TRMT9B: variants seen among roughly 807,000 people sequenced by gnomAD.
The protein encoded by TRMT9B is probable tRNA methyltransferase 9B.
In TRMT9B, 16 loss-of-function variants were observed where a neutral mutation model predicts 11.5. That is an observed-to-expected ratio of 1.39 (90% CI 0.94 to 2.11). TRMT9B has a LOEUF of 2.11. Ranked by LOEUF, TRMT9B falls within the 30% of genes most tolerant of loss-of-function variation. The pLI, the probability that TRMT9B is intolerant of heterozygous loss-of-function variation, is 0.00. For synonymous variants in TRMT9B, 274 were observed against 192.4 expected, an observed-to-expected ratio of 1.42 and a Z score of -3.51; for missense variants, 941 against 553.8, an observed-to-expected ratio of 1.70 and a Z score of -7.02.
Position 13,027,595 on chromosome 8 carries a change from G to A in TRMT9B, c.*5551G>A, listed in dbSNP as rs559697442. 41 of 167,084 alleles carry A rather than the reference G, an allele frequency of 2.5e-4. 1 individual carries two copies. The highest frequency in any genetic ancestry group is 9.9e-4 in the African/African-American group (41 of 41,532). The allele number at this position is 167,084 out of a possible 1,614,324, so 10.4% of individuals were successfully genotyped here. A position where few individuals can be genotyped will look rare whatever the true frequency, so the allele number is the denominator to read the frequency against. ...CCCGATTTTTTCTGTTCTGCAATCT[G>A]CTATTTTAGACAAAGCTTTCATAAG... is the stretch of plus-strand genomic sequence containing the variant. On this transcript the variant is annotated 3_prime_UTR_variant, in exon 5 of 5. Coordinates refer to ENST00000524591, the MANE Select transcript of TRMT9B (RefSeq NM_020844.3).
intron 2 of TRMT9B, 52 bp downstream of exon 2, chr8:12,991,083 C>G (rs1021919992): frequency 1.1e-6 from 1 of 923,994 alleles, no homozygotes; most frequent in African/African-American, 1.7e-5. Flanking sequence ...GTGTTTTTAG[C>G]AATGTGCATA....
chr8:12,992,034 C>T (rs903788254), intron 2 of TRMT9B, among the ~76,000 whole-genome samples: 1 of 152,192 alleles, frequency 6.6e-6, no homozygotes, highest in African/African-American at 2.4e-5. Flanking sequence ...CATTGACTCA[C>T]AGCTGGCTCT....
intron 2 of TRMT9B, among the ~76,000 whole-genome samples, chr8:12,999,227 A>T (rs1172969263): frequency 2.1e-5 from 3 of 144,938 alleles, no homozygotes; most frequent in African/African-American, 5.1e-5. Flanking sequence ...TGAACCTGGG[A>T]GGCGGAGGTT....
intron 1 of TRMT9B, among the ~76,000 whole-genome samples, chr8:12,978,358 A>T (rs1804779811): frequency 6.6e-6 from 1 of 152,266 alleles, no homozygotes. Context: ...TCTTCTGCTG[A>T]TTGTGCCCAT....
intron 1 of TRMT9B, 135 bp downstream of exon 1, chr8:12,946,101 C>T (rs1419625768): frequency 6.6e-6 from 1 of 152,190 alleles, no homozygotes; most frequent in African/African-American, 2.4e-5. Flanking sequence ...TTGCTTTTCT[C>T]ACAGACTGCT....
chr8:12,969,185 C>T (rs1803239761), intron 1 of TRMT9B, among the ~76,000 whole-genome samples: 1 of 152,084 alleles, frequency 6.6e-6, no homozygotes, highest in African/African-American at 2.4e-5. Flanking sequence ...CCAGCCTAGG[C>T]AAGAGAGTGA....
At chr8:13,012,493 T>C (rs1352255390) in intron 3 of TRMT9B, 191 bp from the exon 4 acceptor site, 2 of 687,832 alleles carry the variant, frequency 2.9e-6, no homozygotes, top group Admixed American at 3.7e-5. Flanking sequence ...GAGAATTGCT[T>C]GAACCCGTGA....
intron 1 of TRMT9B, among the ~76,000 whole-genome samples, chr8:12,965,643 C>A (rs1362671190): frequency 6.6e-6 from 1 of 151,300 alleles, no homozygotes; most frequent in Non-Finnish European, 1.5e-5. Flanking sequence ...CCAAGGTAGA[C>A]TACAAGCAGG....
chr8:13,014,140 C>T (rs1201427808), intron 4 of TRMT9B, among the ~76,000 whole-genome samples: 1 of 152,060 alleles, frequency 6.6e-6, no homozygotes, highest in African/African-American at 2.4e-5. Flanking sequence ...GGAGGCAGAC[C>T]TGGAAGCCAT....
intron 1 of TRMT9B, among the ~76,000 whole-genome samples, chr8:12,964,497 T>C (rs1802557942): frequency 6.6e-6 from 1 of 152,230 alleles, no homozygotes; most frequent in South Asian, 2.1e-4. Context: ...TTTAAAGCAG[T>C]TTATGATAGA....
chr8:13,017,303 A>G (rs1376999554), intron 4 of TRMT9B, among the ~76,000 whole-genome samples: 1 of 152,186 alleles, frequency 6.6e-6, no homozygotes, highest in East Asian at 1.9e-4. Context: ...ATTCAAGGAG[A>G]TCATGTGTAA....
At chr8:13,004,523 C>T (rs959570937) in intron 2 of TRMT9B, among the ~76,000 whole-genome samples, 1 of 151,904 alleles carries the variant, frequency 6.6e-6, no homozygotes, top group African/African-American at 2.4e-5. Context: ...GCCGTCTGTT[C>T]AGGCCCTACC....
rs1280229339 is a variant in TRMT9B, at chr8:13,027,612, T to G, written c.*5568T>G. The G allele has an allele frequency of 1.2e-5, 2 of 167,090 alleles. No individual in the cohort carries two copies. Among genetic ancestry groups the G allele is most frequent in the African/African-American group, 4.8e-5 (2 of 41,466 alleles). The allele number at this position is 167,090 out of a possible 1,614,324, so 10.4% of individuals were successfully genotyped here. A position where few individuals can be genotyped will look rare whatever the true frequency, so the allele number is the denominator to read the frequency against. ...TGCAATCTGCTATTTTAGACAAAGC[T>G]TTCATAAGAAATTACATAATGACAA... is the stretch of plus-strand genomic sequence containing the variant. On this transcript the variant is annotated 3_prime_UTR_variant, in exon 5 of 5. Transcript: ENST00000524591.
intron 1 of TRMT9B, among the ~76,000 whole-genome samples, chr8:12,977,468 T>A (rs1804633248): frequency 1.3e-5 from 2 of 152,128 alleles, no homozygotes; most frequent in African/African-American, 4.8e-5. Flanking sequence ...TTTGGGAGGC[T>A]GAGGTGGGTG....
rs116918871 is a variant in TRMT9B, at chr8:13,008,498, G to C, written c.154+2142G>C. 3.4e-3 allele frequency among the ~76,000 whole-genome samples: 522 copies of C among 152,264 alleles called. 4 individuals carry two copies. The highest frequency in any genetic ancestry group is 6.8e-3 in the Admixed American group (104 of 15,282). ...AGTATTTAAGTCTAATAATGACAATGCAAGGCTGTAGTATTGACGTTGGGG... is the reference window on the plus strand; with the variant it reads ...AGTATTTAAGTCTAATAATGACAATCCAAGGCTGTAGTATTGACGTTGGGG... On this transcript the variant is annotated intron_variant, in intron 3 of 4. Transcript: ENST00000524591.
Position 13,023,501 on chromosome 8 carries a change from G to C in TRMT9B, c.*1457G>C, listed in dbSNP as rs1814269903. ...AAACGAATAGACTGGACACTGTGTG[G>C]TCACTGTTTAGATTTGCCCATGGGT... On this transcript the variant is annotated 3_prime_UTR_variant, in exon 5 of 5. Transcript: ENST00000524591. 1 of 167,018 alleles carries C rather than the reference G, an allele frequency of 6.0e-6. No individual in the cohort carries two copies. Among genetic ancestry groups the C allele is most frequent in the Admixed American group, 6.5e-5 (1 of 15,274 alleles). The allele number at this position is 167,018 out of a possible 1,614,324, so 10.3% of individuals were successfully genotyped here.
chr8:12,949,581 T>C (rs1800438529), intron 1 of TRMT9B, among the ~76,000 whole-genome samples: 1 of 152,212 alleles, frequency 6.6e-6, no homozygotes, highest in South Asian at 2.1e-4. Context: ...CTCTTTATTT[T>C]TCTACCTGCC....
intron 2 of TRMT9B, among the ~76,000 whole-genome samples, chr8:12,994,928 C>T (rs149788796): frequency 0.061 from 9,259 of 152,236 alleles, 347 homozygotes; most frequent in African/African-American, 0.1. Context: ...GTGATCCACT[C>T]GCCTCGGCCT....
At position 13,021,196 on chromosome 8, in the gene TRMT9B, A is replaced by G. The variant is rs1372156706; in HGVS notation, c.517A>G (p.Ser173Gly). The change falls in exon 5 of 5, where the codon AGC (serine) becomes GGC (glycine). Residue 173 changes from serine (S) to glycine (G), a missense_variant. Physicochemically the swap from Ser to Gly is moderately conservative, Grantham distance 56. Transcript: ENST00000524591. Reference sequence around the variant, plus strand: ...GTGTTCCCAGCTCTTCTCAGAGTCCAGCCAGTCTGGGAGGAAGAGGCAGTG... The same window carrying G: ...GTGTTCCCAGCTCTTCTCAGAGTCCGGCCAGTCTGGGAGGAAGAGGCAGTG... ...ALCSQLFSESSQSGRKRQCGY... is the reference protein window; with the variant it reads ...ALCSQLFSESGQSGRKRQCGY... 1.2e-6 allele frequency: 2 copies of G among 1,613,824 alleles called. No homozygotes were observed. The highest frequency in any genetic ancestry group is 1.3e-5 in the African/African-American group (1 of 75,048).
Sources: gnomAD v4.1 joint callset for allele counts (sites outside exome capture counted in the v4.1 genomes callset) on GRCh38, gnomAD v4.1.1 for gene constraint, MANE v1.5 for transcripts, NCBI Gene and HGNC (gene_info 2026-07-23, HGNC 2026-07-21) for gene names.